The following SCML4 variants were observed in gnomAD, a reference collection of about 807,000 sequenced individuals.
SCML4 encodes sex comb on midleg-like protein 4.
SCML4 carries 34 observed loss-of-function variants against 41.1 expected under a neutral mutation model. The observed-to-expected ratio is 0.83, with a 90% CI of 0.63 to 1.10. The LOEUF (loss-of-function observed/expected upper bound fraction) is 1.10. SCML4 is among the 50% of genes least tolerant of loss of function. The probability of loss-of-function intolerance (pLI) is 0.00; values close to 1 mark genes in which losing one functional copy is unlikely to be tolerated. For missense variants in SCML4, 522 were observed against 534.1 expected, an observed-to-expected ratio of 0.98 and a Z score of 0.22; for synonymous variants, 214 against 220.9, an observed-to-expected ratio of 0.97 and a Z score of 0.28.
At chr6:107,796,561 G>A (rs994822375) in intron 1 of SCML4, among the ~76,000 whole-genome samples, 2 of 152,056 alleles carry the variant, frequency 1.3e-5, no homozygotes, top group African/African-American at 2.4e-5. Flanking sequence ...ACAAATATAA[G>A]TACTGAAAAC....
At chr6:107,717,167 A>G (rs112823468) in intron 6 of SCML4, among the ~76,000 whole-genome samples, 1 of 135,456 alleles carries the variant, frequency 7.4e-6, no homozygotes, top group Non-Finnish European at 1.6e-5. Context: ...AAAAAAAAAA[A>G]AAAAAAGCCA....
In SCML4 at chr6:107,761,443, T is replaced by TG. The variant is rs71015509; in HGVS notation, c.156+10728_156+10729insC. ...CAGAATATAAATATAATATCTTTGGTTTTTTTTTTTTTAGACAGAGTCTTG... is the reference window on the plus strand; with the variant it reads ...CAGAATATAAATATAATATCTTTGGTGTTTTTTTTTTTTAGACAGAGTCTTG... On this transcript the variant is annotated intron_variant, in intron 2 of 7. Coordinates refer to ENST00000369020, the MANE Select transcript of SCML4 (RefSeq NM_198081.5). 3.8e-3 allele frequency among the ~76,000 whole-genome samples: 494 copies of TG among 130,706 alleles called. 3 individuals are homozygous for TG. The highest frequency in any genetic ancestry group is 0.012 in the African/African-American group (385 of 32,328). 85.7% of individuals were successfully genotyped at this position (130,706 alleles called of 152,430 possible).
At chr6:107,731,011 T>G (rs565790933) in intron 5 of SCML4, among the ~76,000 whole-genome samples, 20 of 152,272 alleles carry the variant, frequency 1.3e-4, no homozygotes, top group African/African-American at 3.9e-4. Context: ...CATCCATGGC[T>G]TCCAGGACAC....
At chr6:107,708,956 T>C (rs900559463) in intron 6 of SCML4, among the ~76,000 whole-genome samples, 3 of 152,150 alleles carry the variant, frequency 2.0e-5, no homozygotes, top group Admixed American at 2.0e-4. Flanking sequence ...TACCTCTTTG[T>C]CCTCCCCTTT....
intron 6 of SCML4, among the ~76,000 whole-genome samples, chr6:107,711,662 C>T (rs1246481572): frequency 6.6e-6 from 1 of 152,124 alleles, no homozygotes; most frequent in Non-Finnish European, 1.5e-5. Context: ...CAGACACAGT[C>T]TCGGTAACTT....
chr6:107,837,905 C>CTTTTT, the SCML4 span, among the ~76,000 whole-genome samples: 4 of 115,314 alleles, frequency 3.5e-5, no homozygotes, highest in African/African-American at 9.7e-5. Flanking sequence ...TTATGATTTT[C>CTTTTT]TTTTTTTTTT....
In SCML4 at chr6:107,704,890, C is replaced by T; in HGVS notation, c.*310G>A. The T allele has an allele frequency of 2.5e-6, 1 of 406,398 alleles. No homozygotes were observed. Among genetic ancestry groups the T allele is most frequent in the Admixed American group, 3.9e-5 (1 of 25,406 alleles). 25.2% of individuals were successfully genotyped at this position (406,398 alleles called of 1,614,324 possible). A position where few individuals can be genotyped will look rare whatever the true frequency, so the allele number is the denominator to read the frequency against. ...CTCCAGAACTCTCCTTGGGCATAAG[C>T]ATTCAGTTCCCCACTCTCTCGTTAT... On this transcript the variant is annotated 3_prime_UTR_variant, in exon 8 of 8. Coordinates refer to ENST00000369020, the MANE Select transcript of SCML4 (RefSeq NM_198081.5).
chr6:107,826,202 C>T (rs1318402473), upstream of SCML4, among the ~76,000 whole-genome samples: 1 of 150,144 alleles, frequency 6.7e-6, no homozygotes, highest in Non-Finnish European at 1.5e-5. Flanking sequence ...TGAGATCACG[C>T]CATTGCACTC....
chr6:107,784,989 G>C (rs1781778056), intron 1 of SCML4, among the ~76,000 whole-genome samples: 1 of 152,196 alleles, frequency 6.6e-6, no homozygotes, highest in Non-Finnish European at 1.5e-5. Flanking sequence ...GGACTTTAGT[G>C]CTGGCTCTAC....
chr6:107,776,892 A>G (rs1780998037), intron 1 of SCML4, among the ~76,000 whole-genome samples: 1 of 152,252 alleles, frequency 6.6e-6, no homozygotes, highest in Non-Finnish European at 1.5e-5. Flanking sequence ...TTGTATGTAT[A>G]TATGTACATA....
intron 2 of SCML4, among the ~76,000 whole-genome samples, chr6:107,756,760 A>G (rs371600486): frequency 6.6e-6 from 1 of 152,292 alleles, no homozygotes; most frequent in South Asian, 2.1e-4. Flanking sequence ...ACTGAAAACT[A>G]TTCTAAAATA....
chr6:107,804,894 C>T (rs1562276614), intron 1 of SCML4, among the ~76,000 whole-genome samples: 1 of 152,166 alleles, frequency 6.6e-6, no homozygotes, highest in East Asian at 1.9e-4. Flanking sequence ...CTCTCGAGGC[C>T]TGGAGCTCAA....
At chr6:107,839,343 AAGAAAGAAAGAAAGAAAGAAAGAAG>A in the SCML4 span, among the ~76,000 whole-genome samples, 1 of 15,344 alleles carries the variant, frequency 6.5e-5, no homozygotes, top group African/African-American at 2.3e-4. Flanking sequence ...GAGAGAGAAA[AAGAAAGAAAGAAAGAAAGAAAGAAG>A]GAAAGAAAGA....
intron 1 of SCML4, among the ~76,000 whole-genome samples, chr6:107,799,946 G>A (rs972060021): frequency 2.7e-5 from 4 of 148,096 alleles, no homozygotes; most frequent in Non-Finnish European, 4.4e-5. Flanking sequence ...CAATATCTAG[G>A]TCCACTGTGG....
intron 5 of SCML4, among the ~76,000 whole-genome samples, chr6:107,724,439 G>A (rs1417865638): frequency 1.3e-5 from 2 of 152,194 alleles, no homozygotes; most frequent in Admixed American, 6.5e-5. Context: ...CAGCAAGGTT[G>A]TAGGATACAA....
At chr6:107,756,965 T>TG (rs907361507) in intron 2 of SCML4, among the ~76,000 whole-genome samples, 5 of 152,176 alleles carry the variant, frequency 3.3e-5, no homozygotes, top group Non-Finnish European at 7.3e-5. Context: ...CTAGTGCAGT[T>TG]GCCACCTTTA....
intron 6 of SCML4, chr6:107,719,014 C>A (rs1775102905): frequency 6.6e-6 from 1 of 152,238 alleles, no homozygotes; most frequent in South Asian, 2.1e-4. Context: ...TAAGCTAACA[C>A]TGGGGACAAA....
At chr6:107,757,416 G>A (rs9400141) in intron 2 of SCML4, among the ~76,000 whole-genome samples, 22,329 of 152,178 alleles carry the variant, frequency 0.15, 1,951 homozygotes, top group Middle Eastern at 0.21. Context: ...AGCAAGAGGT[G>A]GATAATCTGA....
chr6:107,791,863 G>A (rs1439524173), intron 1 of SCML4, among the ~76,000 whole-genome samples: 3 of 152,194 alleles, frequency 2.0e-5, no homozygotes, highest in African/African-American at 7.2e-5. Context: ...AGGAGGCTGA[G>A]GCAGGAGGAT....
Sources: allele counts gnomAD v4.1 joint callset (sites outside exome capture counted in the v4.1 genomes callset), GRCh38; gene constraint gnomAD v4.1.1; transcripts MANE v1.5; gene names NCBI Gene and HGNC (gene_info 2026-07-23, HGNC 2026-07-21).